The following CSMD1 variants were observed in gnomAD, a reference collection of about 807,000 sequenced individuals.
CSMD1 encodes the protein CUB and sushi domain-containing protein 1.
A neutral mutation model predicts 417.5 loss-of-function variants in CSMD1; 213 were observed. The observed-to-expected ratio is 0.51, with a 90% CI of 0.46 to 0.57. The LOEUF (loss-of-function observed/expected upper bound fraction) is 0.57, where lower values mean the gene tolerates loss of function less well. CSMD1 is among the 20% of genes least tolerant of loss of function. The pLI, the probability that CSMD1 is intolerant of heterozygous loss-of-function variation, is 0.00. For missense variants in CSMD1, 6,923 were observed against 4,529.7 expected (o/e 1.53, Z -15.17); for synonymous variants, 2,862 against 1,736.8 (o/e 1.65, Z -16.11).
intron 1 of CSMD1, among the ~76,000 whole-genome samples, chr8:4,866,892 T>G (rs1464030750): frequency 1.3e-5 from 2 of 151,986 alleles, no homozygotes; most frequent in Admixed American, 1.3e-4. Context: ...ACCTCCTTAA[T>G]TATAATTTAT....
chr8:4,077,894 G>C (rs1355392389), intron 3 of CSMD1, among the ~76,000 whole-genome samples: 2 of 151,896 alleles, frequency 1.3e-5, no homozygotes, highest in Non-Finnish European at 2.9e-5. Context: ...GCCCAATATA[G>C]CAATGTCCTT....
intron 6 of CSMD1, among the ~76,000 whole-genome samples, chr8:3,716,356 T>C (rs891112590): frequency 7.9e-5 from 12 of 152,216 alleles, no homozygotes; most frequent in African/African-American, 1.4e-4. Flanking sequence ...GGCTACTCCA[T>C]AGACAGAACA....
At chr8:4,586,321 G>A (rs1799697575) in intron 2 of CSMD1, among the ~76,000 whole-genome samples, 1 of 152,078 alleles carries the variant, frequency 6.6e-6, no homozygotes, top group African/African-American at 2.4e-5. Context: ...ATTCCCATTG[G>A]CAGTGACTAA....
intron 5 of CSMD1, among the ~76,000 whole-genome samples, chr8:3,980,999 C>T (rs1288811058): frequency 6.6e-6 from 1 of 152,192 alleles, no homozygotes; most frequent in Non-Finnish European, 1.5e-5. Flanking sequence ...TACCCACACC[C>T]AGAGGTTCTT....
At chr8:3,316,349 G>T (rs190288441) in intron 23 of CSMD1, among the ~76,000 whole-genome samples, 3 of 152,034 alleles carry the variant, frequency 2.0e-5, no homozygotes, top group Admixed American at 6.6e-5. Flanking sequence ...AATCTATCAG[G>T]AACTTTTTTG....
intron 2 of CSMD1, among the ~76,000 whole-genome samples, chr8:4,595,463 G>C (rs1800219995): frequency 6.6e-6 from 1 of 150,784 alleles, no homozygotes; most frequent in Non-Finnish European, 1.5e-5. Flanking sequence ...GACTGTTCTG[G>C]TTCTGTGGCT....
At chr8:4,761,911 C>CT (rs1812125873) in intron 1 of CSMD1, among the ~76,000 whole-genome samples, 99 of 69,358 alleles carry the variant, frequency 1.4e-3, no homozygotes, top group East Asian at 5.4e-3. Context: ...ATCTATCTAT[C>CT]AATCTATCTA....
intron 11 of CSMD1, among the ~76,000 whole-genome samples, chr8:3,475,661 G>A (rs951325306): frequency 5.3e-5 from 8 of 152,334 alleles, no homozygotes; most frequent in South Asian, 2.1e-4. Context: ...TTTCAGTGAA[G>A]ATACTGCTGT....
chr8:4,963,043 C>G (rs892411655), intron 1 of CSMD1, among the ~76,000 whole-genome samples: 13 of 152,214 alleles, frequency 8.5e-5, no homozygotes, highest in Admixed American at 1.3e-4. Flanking sequence ...CACCTTACTC[C>G]TGCATGGAAC....
intron 30 of CSMD1, among the ~76,000 whole-genome samples, chr8:3,214,122 G>T (rs1417505127): frequency 6.6e-6 from 1 of 151,986 alleles, no homozygotes; most frequent in Non-Finnish European, 1.5e-5. Context: ...GGGATTACAG[G>T]CATGAGCTAC....
chr8:4,291,919 T>C (rs1388159821), intron 3 of CSMD1, among the ~76,000 whole-genome samples: 1 of 152,198 alleles, frequency 6.6e-6, no homozygotes, highest in African/African-American at 2.4e-5. Context: ...GAACAGAACC[T>C]TCTGCCCTAT....
intron 1 of CSMD1, among the ~76,000 whole-genome samples, chr8:4,979,071 C>T (rs1810728388): frequency 6.6e-6 from 1 of 152,188 alleles, no homozygotes; most frequent in Non-Finnish European, 1.5e-5. Context: ...CTTCAAATTT[C>T]CAGGCCTTCC....
At chr8:4,798,958 A>T (rs1437155371) in intron 1 of CSMD1, among the ~76,000 whole-genome samples, 1 of 151,894 alleles carries the variant, frequency 6.6e-6, no homozygotes, top group Non-Finnish European at 1.5e-5. Flanking sequence ...CTCCAAATTC[A>T]CTCTCCATGC....
At chr8:3,414,525 C>G (rs574523186) in intron 12 of CSMD1, among the ~76,000 whole-genome samples, 2 of 152,238 alleles carry the variant, frequency 1.3e-5, no homozygotes, top group South Asian at 4.1e-4. Flanking sequence ...TCTCATCGCT[C>G]CCCATGCTGC....
intron 12 of CSMD1, among the ~76,000 whole-genome samples, chr8:3,448,225 C>T (rs1319389937): frequency 6.9e-6 from 1 of 145,830 alleles, no homozygotes; most frequent in Non-Finnish European, 1.5e-5. Flanking sequence ...ATGGGGCCAA[C>T]TCTCAAAAGG....
chr8:4,207,331 T>A (rs1800038741), intron 3 of CSMD1, among the ~76,000 whole-genome samples: 3 of 152,174 alleles, frequency 2.0e-5, no homozygotes, highest in Admixed American at 2.0e-4. Context: ...CTAGGACTCG[T>A]AATTATCTGA....
intron 1 of CSMD1, among the ~76,000 whole-genome samples, chr8:4,943,205 G>T (rs1808135623): frequency 6.6e-6 from 1 of 152,086 alleles, no homozygotes; most frequent in Non-Finnish European, 1.5e-5. Context: ...CACTTTATTT[G>T]AAAATCATGG....
At chr8:3,807,853 C>T (rs1377094656) in intron 5 of CSMD1, among the ~76,000 whole-genome samples, 3 of 152,136 alleles carry the variant, frequency 2.0e-5, no homozygotes, top group Non-Finnish European at 2.9e-5. Flanking sequence ...AATGACTGTG[C>T]TCCCTTGGGG....
At position 4,576,590 on chromosome 8, in the gene CSMD1, T is replaced by C. The variant is rs542329746; in HGVS notation, c.302+60752A>G. Among the ~76,000 whole-genome samples the C allele has an allele frequency of 5.9e-5, 9 of 152,310 alleles. No individual in the cohort carries two copies. In the South Asian group the frequency reaches 1.7e-3, roughly 28 times the overall value. On this transcript the variant is annotated intron_variant, in intron 2 of 69. Coordinates refer to ENST00000635120, the MANE Select transcript of CSMD1 (RefSeq NM_033225.6). ...GGTGGGGTGTGGCGTTGGGTTATTG[T>C]CCATCCAGTATCTAGCTTACTCTGT... is the stretch of plus-strand genomic sequence containing the variant.
Sources: allele counts gnomAD v4.1 joint callset (sites outside exome capture counted in the v4.1 genomes callset), GRCh38; gene constraint gnomAD v4.1.1; transcripts MANE v1.5; gene names NCBI Gene and HGNC (gene_info 2026-07-23, HGNC 2026-07-21).